The following HUWE1 variants were observed in gnomAD, a reference collection of about 807,000 sequenced individuals.
The protein encoded by HUWE1 is HECT, UBA and WWE domain containing E3 ubiquitin protein ligase 1, also known as E3 ubiquitin-protein ligase HUWE1.
Under a neutral mutation model 299.4 loss-of-function variants are expected in HUWE1, and 18 were observed. The observed-to-expected ratio is 0.06, with a 90% CI of 0.04 to 0.09. The LOEUF is 0.09. Among genes scored for constraint, HUWE1 ranks in the 10% least tolerant of loss-of-function variants. The pLI is 1.00. For synonymous variants in HUWE1, 1,317 were observed against 1,286.1 expected, an observed-to-expected ratio of 1.02 and a Z score of -0.51; for missense variants, 1,832 against 3,462.3, an observed-to-expected ratio of 0.53 and a Z score of 11.82.
intron 7 of HUWE1, among the ~76,000 whole-genome samples, chrX:53,640,919 GTTTA>G (rs782549494): frequency 1.8e-5 from 2 of 112,069 alleles, no homozygotes; most frequent in East Asian, 5.6e-4. Flanking sequence ...ATATTAGTGT[GTTTA>G]TATCAGCCTA....
chrX:53,647,116 C>T (rs938858840), intron 6 of HUWE1, among the ~76,000 whole-genome samples: 2 of 111,920 alleles, frequency 1.8e-5, no homozygotes, highest in Admixed American at 1.9e-4. Flanking sequence ...TACTTTAATA[C>T]ATATATAACA....
intron 49 of HUWE1, among the ~76,000 whole-genome samples, 176 bp from the exon 50 acceptor site, chrX:53,565,415 G>C (rs1556944836): frequency 2.7e-5 from 3 of 111,408 alleles, no homozygotes; most frequent in Non-Finnish European, 1.9e-5. Context: ...ATGTCTTCAA[G>C]GAACCCACCC....
At chrX:53,674,659 C>T (rs782251175) in intron 3 of HUWE1, among the ~76,000 whole-genome samples, 2 of 111,777 alleles carry the variant, frequency 1.8e-5, no homozygotes, top group Non-Finnish European at 3.8e-5. Context: ...TTCTCTGATG[C>T]CTTCTTGTAA....
chrX:53,607,758 G>T, intron 24 of HUWE1, 59 bp from the exon 25 acceptor site: 1 of 783,496 alleles, frequency 1.3e-6, no homozygotes, highest in Non-Finnish European at 1.9e-6. Flanking sequence ...TAAATGGCCA[G>T]CCTGGAATAA....
At chrX:53,667,538 C>T (rs1191256488) in intron 3 of HUWE1, among the ~76,000 whole-genome samples, 5 of 111,901 alleles carry the variant, frequency 4.5e-5, no homozygotes, top group African/African-American at 1.6e-4. Context: ...AACTTAATAT[C>T]GACTGAAAGT....
At chrX:53,668,169 C>T (rs889577448) in intron 3 of HUWE1, among the ~76,000 whole-genome samples, 4 of 110,489 alleles carry the variant, frequency 3.6e-5, no homozygotes, top group East Asian at 5.7e-4. Flanking sequence ...CCCGGCCGGG[C>T]GCGGTGGCTC....
chrX:53,575,930 G>C (rs2063081921), intron 44 of HUWE1, 142 bp from the exon 45 acceptor site: 1 of 609,522 alleles, frequency 1.6e-6, no homozygotes, highest in Non-Finnish European at 2.6e-6. Context: ...GATAATGTTA[G>C]AGTGCCTCAC....
At chrX:53,577,178 A>G in intron 43 of HUWE1, 111 bp from the exon 44 acceptor site, 1 of 578,582 alleles carries the variant, frequency 1.7e-6, no homozygotes, top group Non-Finnish European at 3.0e-6. Flanking sequence ...TTGAGATAGG[A>G]GACCATTTTC....
In HUWE1 at chrX:53,627,481, A is replaced by G; in HGVS notation, c.1418T>C (p.Phe473Ser). ...EVDLCRKECPFVIKPKIQRPN... is the reference protein window; with the variant it reads ...EVDLCRKECPSVIKPKIQRPN... ...TCTCTGGATCTTTGGCTTGATCACA[A>G]ACGGACATTCTTTTCGGCACAAATC... Residue 473 changes from phenylalanine to serine, a missense_variant, in exon 17 of 84, where the codon TTT becomes TCT. By Grantham distance (155) the Phe-to-Ser change is radical (BLOSUM62 -2). Transcript: ENST00000262854. The G allele has an allele frequency of 8.3e-7, 1 of 1,204,770 alleles. No individual in the cohort carries two copies.
intron 8 of HUWE1, among the ~76,000 whole-genome samples, chrX:53,633,735 AAGG>A (rs2067023153): frequency 8.9e-6 from 1 of 112,353 alleles, no homozygotes; most frequent in East Asian, 2.8e-4. Context: ...TCAAAGCAGA[AAGG>A]AGGATGGCCT....
intron 7 of HUWE1, among the ~76,000 whole-genome samples, chrX:53,635,129 G>A (rs1557025658): frequency 9.1e-6 from 1 of 110,286 alleles, no homozygotes; most frequent in African/African-American, 3.3e-5. Flanking sequence ...TGAAAGAAAT[G>A]AGATATTATT....
At chrX:53,565,312 G>T in intron 49 of HUWE1, 73 bp from the exon 50 acceptor site, 1 of 906,791 alleles carries the variant, frequency 1.1e-6, no homozygotes, top group Non-Finnish European at 1.6e-6. Flanking sequence ...ATGACACTAA[G>T]CTTCTTACAA....
chrX:53,568,583 G>T, intron 49 of HUWE1, 109 bp downstream of exon 49: 1 of 647,665 alleles, frequency 1.5e-6, no homozygotes, highest in Non-Finnish European at 2.4e-6. Flanking sequence ...AGAAAGACTT[G>T]GGTCTCCCAC....
chrX:53,600,202 G>C lies in HUWE1; in HGVS notation c.3079C>G (p.Pro1027Ala). The C allele has an allele frequency of 8.3e-7, 1 of 1,209,372 alleles. No individual in the cohort carries two copies. ...DTLAPMETDE[P>A]TASDSKGKSK... ...TTGCCCTTAGAGTCTGAAGCAGTAGGTTCATCTGTCTCCATGGGAGCCAAT... is the reference window on the plus strand; with the variant it reads ...TTGCCCTTAGAGTCTGAAGCAGTAGCTTCATCTGTCTCCATGGGAGCCAAT... The change falls in exon 29 of 84, where the codon CCT (proline) becomes GCT (alanine). Residue 1027 changes from proline (P) to alanine (A), a missense_variant. Coordinates refer to ENST00000262854, the MANE Select transcript of HUWE1 (RefSeq NM_031407.7).
chrX:53,536,727 AT>A (rs1556913396), intron 78 of HUWE1, 60 bp from the exon 79 acceptor site: 9 of 1,016,524 alleles, frequency 8.9e-6, no homozygotes. Context: ...ACATCCAGTC[AT>A]TTGTGTGAGT....
At chrX:53,594,879 C>T (rs782213810) in intron 30 of HUWE1, among the ~76,000 whole-genome samples, 2 of 111,527 alleles carry the variant, frequency 1.8e-5, no homozygotes, top group East Asian at 2.8e-4. Context: ...ATAAGTATTC[C>T]GCAAATATTC....
intron 30 of HUWE1, among the ~76,000 whole-genome samples, chrX:53,594,835 C>G: frequency 9.0e-6 from 1 of 111,713 alleles, no homozygotes; most frequent in Non-Finnish European, 1.9e-5. Context: ...AGTACATGTT[C>G]ATGGGAGCAT....
At chrX:53,644,116 T>C (rs1467773889) in intron 7 of HUWE1, among the ~76,000 whole-genome samples, 1 of 112,624 alleles carries the variant, frequency 8.9e-6, no homozygotes, top group Non-Finnish European at 1.9e-5. Context: ...TAAGCCATCA[T>C]GCCCAGCCCA....
At chrX:53,604,520 T>C (rs1475153467) in intron 26 of HUWE1, 69 bp downstream of exon 26, 7 of 1,116,841 alleles carry the variant, frequency 6.3e-6, no homozygotes, top group Non-Finnish European at 8.6e-6. Flanking sequence ...ATAGTAACCC[T>C]GCTAGGTGTA....
Sources: gnomAD v4.1 joint callset for allele counts (sites outside exome capture counted in the v4.1 genomes callset) on GRCh38, gnomAD v4.1.1 for gene constraint, MANE v1.5 for transcripts, NCBI Gene and HGNC (gene_info 2026-07-23, HGNC 2026-07-21) for gene names.